PLEKHA4: variants seen among roughly 807,000 people sequenced by gnomAD.
PLEKHA4 encodes the protein pleckstrin homology domain-containing family A member 4.
In PLEKHA4, 73 loss-of-function variants were observed where a neutral mutation model predicts 94.7. The observed-to-expected ratio is 0.77, with a 90% CI of 0.64 to 0.94. PLEKHA4 has a LOEUF of 0.94. PLEKHA4 is among the 40% of genes least tolerant of loss of function. PLEKHA4 has a pLI of 0.00. For missense variants in PLEKHA4, 1,049 were observed against 1,054.1 expected (o/e 1.00, Z 0.07); for synonymous variants, 449 against 437.1 (o/e 1.03, Z -0.34).
intron 8 of PLEKHA4, among the ~76,000 whole-genome samples, chr19:48,857,708 T>A (rs994894065): frequency 1.3e-5 from 2 of 151,134 alleles, no homozygotes; most frequent in African/African-American, 4.9e-5. Context: ...AACAGATGCT[T>A]GAAGGCAGCA....
Position 48,861,428 on chromosome 19 carries a change from G to T in PLEKHA4, c.339C>A (p.Ala113=), listed in dbSNP as rs373464491. The change falls in exon 5 of 20, where the codon GCC becomes GCA. Residue 113 remains alanine, a synonymous_variant. Coordinates refer to ENST00000263265, the MANE Select transcript of PLEKHA4 (RefSeq NM_020904.3). ...SYNIRPDGPG[A]PRGRRFTFTA... ...TGAAGGTGAAGCGCCGCCCTCGGGG[G>T]GCTCCCGGCCCATCTGGTCTAATAT... 2.1e-4 allele frequency: 331 copies of T among 1,613,786 alleles called. No individual in the cohort carries two copies. The highest frequency in any genetic ancestry group is 2.7e-4 in the Non-Finnish European group (323 of 1,180,032).
intron 18 of PLEKHA4, 39 bp from the exon 19 acceptor site, chr19:48,838,168 A>T (rs2035615268): frequency 3.5e-3 from 2,327 of 663,320 alleles, no homozygotes; most frequent in Non-Finnish European, 5.7e-3. Context: ...GGGTGTGTAC[A>T]TGGGGGAGAG....
At chr19:48,842,039 A>G (rs1368319076) in intron 16 of PLEKHA4, among the ~76,000 whole-genome samples, 4 of 152,246 alleles carry the variant, frequency 2.6e-5, no homozygotes, top group Non-Finnish European at 1.5e-5. Context: ...CTTATTGTAG[A>G]ACCAGTCCCT....
At chr19:48,849,120 A>G (rs1159419937) in intron 13 of PLEKHA4, among the ~76,000 whole-genome samples, 3 of 151,922 alleles carry the variant, frequency 2.0e-5, no homozygotes, top group African/African-American at 4.8e-5. Context: ...TGCCCAGGCT[A>G]GCCTCAAACT....
chr19:48,855,816 A>G (rs899962814), intron 9 of PLEKHA4, among the ~76,000 whole-genome samples: 3 of 150,036 alleles, frequency 2.0e-5, no homozygotes, highest in Non-Finnish European at 4.4e-5. Flanking sequence ...TTTTTAATTT[A>G]AAAAAAAACA....
At chr19:48,845,647 G>A in intron 14 of PLEKHA4, 31 bp from the exon 15 acceptor site, 1 of 1,370,362 alleles carries the variant, frequency 7.3e-7, no homozygotes, top group African/African-American at 1.5e-5. Context: ...GGATAATGAT[G>A]ATCATTATAA....
chr19:48,854,056 CG>C lies in PLEKHA4; in HGVS notation c.1126del (p.Arg376GlyfsTer10). On this transcript the variant is annotated frameshift_variant, in exon 11 of 20. Coordinates refer to ENST00000263265, the MANE Select transcript of PLEKHA4 (RefSeq NM_020904.3). LOFTEE classifies it high-confidence loss of function. Reference sequence around the variant, plus strand: ...CTCCTCCTGCAGCCTCCGCAGAAGCCGGTCCTGCCCGCACAACTTGGTCAGC... The same window carrying C: ...CTCCTCCTGCAGCCTCCGCAGAAGCCGTCCTGCCCGCACAACTTGGTCAGC... ...TLLTKLCGQDRLLRRLQEEID... is the reference protein window; with the variant it reads ...TLLTKLCGQDXLLRRLQEEID... 1 of 1,614,160 alleles carries C rather than the reference CG, an allele frequency of 6.2e-7. No homozygotes were observed. The highest frequency in any genetic ancestry group is 1.3e-5 in the African/African-American group (1 of 75,048).
At chr19:48,838,580 A>C (rs1168905698) in intron 18 of PLEKHA4, among the ~76,000 whole-genome samples, 2 of 151,690 alleles carry the variant, frequency 1.3e-5, no homozygotes, top group African/African-American at 2.4e-5. Flanking sequence ...CCTGGCCAAC[A>C]TGGTGAAACC....
In PLEKHA4 at chr19:48,867,257, C is replaced by G. The variant is rs986726046; in HGVS notation, c.84+280G>C. Among the ~76,000 whole-genome samples the G allele has an allele frequency of 2.6e-5, 4 of 152,042 alleles. No homozygotes were observed. Among genetic ancestry groups the G allele is most frequent in the African/African-American group, 9.7e-5 (4 of 41,402 alleles). On this transcript the variant is annotated intron_variant, in intron 2 of 19. Transcript: ENST00000263265. This position sits in a 1 kb window ranked among gnomAD's most constrained non-coding sequence, Gnocchi z 4.7. ...AGAGCAGCCACTACTTCTCAGAACT[C>G]GAGGGGCCTCATGGCTGGGGAGCGG...
Position 48,858,990 on chromosome 19 carries a change from G to A in PLEKHA4, c.842C>T (p.Pro281Leu). The change falls in exon 8 of 20, where the codon CCT becomes CTT. Residue 281 changes from proline (P) to leucine (L), a missense_variant. Physicochemically the swap from Pro to Leu is moderately conservative, Grantham distance 98 (BLOSUM62 -3). Coordinates refer to ENST00000263265, the MANE Select transcript of PLEKHA4 (RefSeq NM_020904.3). The stretch of plus-strand genomic sequence containing the variant: ...CTGGCGTTGGGGGCCCCAATCCAGA[G>A]GAGGTCGGACATCAATGCGACTCAA... ...TPLSRIDVRP[P>L]LDWGPQRQTL... The A allele has an allele frequency of 1.9e-6, 3 of 1,583,778 alleles. No homozygotes were observed. The highest frequency in any genetic ancestry group is 2.6e-6 in the Non-Finnish European group (3 of 1,169,838).
In PLEKHA4 at chr19:48,864,156, C is replaced by T. The variant is rs1014930532; in HGVS notation, c.192+1347G>A. On this transcript the variant is annotated intron_variant, in intron 3 of 19. Coordinates refer to ENST00000263265, the MANE Select transcript of PLEKHA4 (RefSeq NM_020904.3). Reference sequence around the variant, plus strand: ...GCTGCAGACCTTTTCCTTTTGGATGCGATCTGCCTCCAGGTCTTTTTTTTT... The same window carrying T: ...GCTGCAGACCTTTTCCTTTTGGATGTGATCTGCCTCCAGGTCTTTTTTTTT... Among the ~76,000 whole-genome samples the T allele has an allele frequency of 5.0e-4, 76 of 151,508 alleles. 1 individual carries two copies. Among genetic ancestry groups the T allele is most frequent in the African/African-American group, 1.7e-3 (72 of 41,336 alleles).
Position 48,845,604 on chromosome 19 carries a change from A to T in PLEKHA4, c.1579T>A (p.Ser527Thr). The change falls in exon 15 of 20, where the codon TCC becomes ACC. Residue 527 changes from serine to threonine, a missense_variant. Physicochemically the swap from Ser to Thr is moderately conservative, Grantham distance 58. Transcript: ENST00000263265. ...GACCTAGGGGAGCTCAGTTCCAAGG[A>T]CTCTGGCAGGCTCTGCGGGGATTAG... is the stretch of plus-strand genomic sequence containing the variant. ...ESSERESLPE[S>T]LELSSPRSPE... 6.3e-7 allele frequency: 1 copy of T among 1,587,552 alleles called. No homozygotes were observed. The highest frequency in any genetic ancestry group is 8.6e-7 in the Non-Finnish European group (1 of 1,167,400).
At chr19:48,863,432 G>GTTTTTTT (rs113645066) in intron 3 of PLEKHA4, among the ~76,000 whole-genome samples, 5 of 104,718 alleles carry the variant, frequency 4.8e-5, no homozygotes, top group Non-Finnish European at 1.0e-4. Flanking sequence ...TAGGTTTTTT[G>GTTTTTTT]TTTTTTTTTT....
chr19:48,859,149 G>A lies in PLEKHA4; in HGVS notation c.693-10C>T. On this transcript the variant is annotated splice_polypyrimidine_tract_variant and intron_variant, in intron 7 of 19. Transcript: ENST00000263265. ...GAGGGGGGTGAACAGGCTGTGGGAA[G>A]GAGAGAATCGGGGAACTGAGTCAAC... The A allele has an allele frequency of 1.3e-6, 2 of 1,519,352 alleles. No individual in the cohort carries two copies. The highest frequency in any genetic ancestry group is 1.8e-6 in the Non-Finnish European group (2 of 1,136,134). The allele number at this position is 1,519,352 out of a possible 1,614,324, so 94.1% of individuals were successfully genotyped here. A position where few individuals can be genotyped will look rare whatever the true frequency, so the allele number is the denominator to read the frequency against.
At chr19:48,842,273 A>G (rs1387690901) in intron 16 of PLEKHA4, among the ~76,000 whole-genome samples, 1 of 150,268 alleles carries the variant, frequency 6.7e-6, no homozygotes, top group African/African-American at 2.4e-5. Context: ...CCTCTCAAGT[A>G]GCTGGGATTG....
intron 16 of PLEKHA4, among the ~76,000 whole-genome samples, chr19:48,844,055 C>T (rs1402665056): frequency 6.6e-6 from 1 of 151,822 alleles, no homozygotes; most frequent in Non-Finnish European, 1.5e-5. Flanking sequence ...CCTACCTTGG[C>T]CTCTCAAAGT....
chr19:48,859,678 T>C lies in PLEKHA4; in HGVS notation c.483A>G (p.Gln161=), dbSNP rs1469414484. 3 of 1,611,582 alleles carry C rather than the reference T, an allele frequency of 1.9e-6. No homozygotes were observed. Among genetic ancestry groups the C allele is most frequent in the South Asian group, 1.1e-5 (1 of 91,038 alleles). The change falls in exon 7 of 20, where the codon CAA becomes CAG. Residue 161 remains glutamine (Q), a synonymous_variant. Transcript: ENST00000263265. ...GCTGGGGTCGTGCAGGTGACCTGGG[T>C]TGCCCACTAGCGAGTGGACATAGAC... ...ASRAEGDDYG[Q]PRSPARPQPG...
Position 48,837,184 on chromosome 19 carries a change from A to G in PLEKHA4, c.*105T>C, listed in dbSNP as rs1416150440. The G allele has an allele frequency of 9.2e-6, 14 of 1,528,576 alleles. No individual in the cohort carries two copies. The Admixed American group carries it at 1.1e-4, about 12-fold the overall frequency. 94.7% of individuals were successfully genotyped at this position (1,528,576 alleles called of 1,614,324 possible). A position where few individuals can be genotyped will look rare whatever the true frequency, so the allele number is the denominator to read the frequency against. ...AAACCATTCCCCTCCCGGGCCCGCA[A>G]TGGGGACCAGACCACGCCCCCTGAT... On this transcript the variant is annotated 3_prime_UTR_variant, in exon 20 of 20. Coordinates refer to ENST00000263265, the MANE Select transcript of PLEKHA4 (RefSeq NM_020904.3). This position sits in a 1 kb window ranked among gnomAD's most constrained non-coding sequence, Gnocchi z 4.3.
intron 6 of PLEKHA4, 142 bp from the exon 7 acceptor site, chr19:48,859,826 G>A (rs2036569244): frequency 3.8e-6 from 3 of 784,136 alleles, no homozygotes; most frequent in South Asian, 3.2e-5. Context: ...TTCAGAAGGG[G>A]AAACTGAGGC....
Sources: allele counts gnomAD v4.1 joint callset (sites outside exome capture counted in the v4.1 genomes callset), GRCh38; gene constraint gnomAD v4.1.1; non-coding constraint Gnocchi (gnomAD v3.1); transcripts MANE v1.5; gene names NCBI Gene and HGNC (gene_info 2026-07-23, HGNC 2026-07-21).